The following CDK2 variants were observed in gnomAD, a reference collection of about 807,000 sequenced individuals.
CDK2 encodes cyclin-dependent kinase 2.
CDK2 carries 8 observed loss-of-function variants against 35.0 expected under a neutral mutation model. That is an observed-to-expected ratio of 0.23 (90% CI 0.13 to 0.41). The LOEUF is 0.41. CDK2 is among the 10% of genes least tolerant of loss of function. The pLI, the probability that CDK2 is intolerant of heterozygous loss-of-function variation, is 1.00. For missense variants in CDK2, 201 were observed against 367.1 expected (o/e 0.55, Z 3.70); for synonymous variants, 134 against 137.7 (o/e 0.97, Z 0.19).
Position 55,971,660 on chromosome 12 carries a change from C to A in CDK2, c.*35C>A. On this transcript the variant is annotated 3_prime_UTR_variant, in exon 7 of 7. Transcript: ENST00000266970. ...TGAAGCCCCCAGCCCTAATCTCACC[C>A]TCTCCTCCAGTGTGGGCTTGACCAG... 1 of 1,483,056 alleles carries A rather than the reference C, an allele frequency of 6.7e-7. No individual in the cohort carries two copies. The highest frequency in any genetic ancestry group is 9.4e-7 in the Non-Finnish European group (1 of 1,060,500). 91.9% of individuals were successfully genotyped at this position (1,483,056 alleles called of 1,614,324 possible).
At chr12:55,971,356 T>G (rs1484773167) in intron 6 of CDK2, 109 bp downstream of exon 6, 2 of 1,183,040 alleles carry the variant, frequency 1.7e-6, no homozygotes, top group Non-Finnish European at 2.5e-6. Flanking sequence ...TTCATTTCCC[T>G]GGTTCCTGCT....
At position 55,971,781 on chromosome 12, in the gene CDK2, G is replaced by T; in HGVS notation, c.*156G>T. On this transcript the variant is annotated 3_prime_UTR_variant, in exon 7 of 7. Transcript: ENST00000266970. ...GGCCAGCCAACTCTGGGAATACAGG[G>T]GTGAAAGGGGGGAACCAGTGAAAAT... The T allele has an allele frequency of 1.7e-6, 1 of 593,514 alleles. No homozygotes were observed. Among genetic ancestry groups the T allele is most frequent in the South Asian group, 2.1e-5 (1 of 48,556 alleles). The allele number at this position is 593,514 out of a possible 1,614,324, so 36.8% of individuals were successfully genotyped here.
At chr12:55,967,205 TC>T in intron 1 of CDK2, 81 bp downstream of exon 1, 1 of 1,033,584 alleles carries the variant, frequency 9.7e-7, no homozygotes, top group Non-Finnish European at 1.5e-6. Flanking sequence ...CGGGTAGCCG[TC>T]CAGGGACCGG....
chr12:55,970,376 C>T (rs905020347), intron 5 of CDK2, among the ~76,000 whole-genome samples: 14 of 151,438 alleles, frequency 9.2e-5, no homozygotes, highest in African/African-American at 3.2e-4. Flanking sequence ...TCCTTGAAGC[C>T]TGGCTTTATG....
At chr12:55,968,713 C>T (rs1015855390) in intron 3 of CDK2, 65 bp from the exon 4 acceptor site, 19 of 1,310,216 alleles carry the variant, frequency 1.5e-5, no homozygotes, top group Non-Finnish European at 1.8e-5. Flanking sequence ...GTTTTAGGGG[C>T]ACAGAGCAAA....
chr12:55,969,632 A>G (rs1167661679), intron 5 of CDK2, 56 bp downstream of exon 5: 7 of 935,734 alleles, frequency 7.5e-6, no homozygotes, highest in Middle Eastern at 2.6e-4. Flanking sequence ...CCCACATCCA[A>G]GAACAACAGA....
Position 55,971,777 on chromosome 12 carries a change from C to G in CDK2, c.*152C>G. ...TCTTGGCCAGCCAACTCTGGGAATA[C>G]AGGGGTGAAAGGGGGGAACCAGTGA... On this transcript the variant is annotated 3_prime_UTR_variant, in exon 7 of 7. Transcript: ENST00000266970. 1 of 605,316 alleles carries G rather than the reference C, an allele frequency of 1.7e-6. No individual in the cohort carries two copies. The highest frequency in any genetic ancestry group is 2.9e-6 in the Non-Finnish European group (1 of 339,700). 37.5% of individuals were successfully genotyped at this position (605,316 alleles called of 1,614,324 possible). A position where few individuals can be genotyped will look rare whatever the true frequency, so the allele number is the denominator to read the frequency against.
chr12:55,971,535 C>T lies in CDK2; in HGVS notation c.807C>T (p.Tyr269=), dbSNP rs144972287. The change falls in exon 7 of 7, where the codon TAC becomes TAT. Residue 269 remains tyrosine (Y), a synonymous_variant. Transcript: ENST00000266970. ...TCTCCCTCTAGCAAATGCTGCACTA[C>T]GACCCTAACAAGCGGATTTCGGCCA... ...GRSLLSQMLH[Y]DPNKRISAKA... is the part of the protein sequence containing the mutation. 3.1e-4 allele frequency: 500 copies of T among 1,613,746 alleles called. No individual in the cohort carries two copies. The highest frequency in any genetic ancestry group is 4.1e-4 in the Non-Finnish European group (480 of 1,179,622).
Position 55,966,960 on chromosome 12 carries a change from T to G in CDK2, c.-49T>G. 1 of 1,453,314 alleles carries G rather than the reference T, an allele frequency of 6.9e-7. No homozygotes were observed. The allele number at this position is 1,453,314 out of a possible 1,614,324, so 90.0% of individuals were successfully genotyped here. On this transcript the variant is annotated 5_prime_UTR_variant, in exon 1 of 7. Transcript: ENST00000266970. Reference sequence around the variant, plus strand: ...AGCCAGGGTCCGCCTTCTGCAGGGTTCCCAGGCCCCCGCTCCAGGGCCGGG... The same window carrying G: ...AGCCAGGGTCCGCCTTCTGCAGGGTGCCCAGGCCCCCGCTCCAGGGCCGGG...
At chr12:55,970,465 C>A in intron 5 of CDK2, 1 of 601,422 alleles carries the variant, frequency 1.7e-6, no homozygotes, top group Non-Finnish European at 3.0e-6. Flanking sequence ...GTTTTATTGT[C>A]TTTTATCTTG....
intron 5 of CDK2, chr12:55,970,589 T>A: frequency 1.4e-6 from 1 of 701,236 alleles, no homozygotes; most frequent in Non-Finnish European, 2.6e-6. Context: ...TCAAAAAATA[T>A]TTGTTAAGCA....
At position 55,968,894 on chromosome 12, in the gene CDK2, A is replaced by G; in HGVS notation, c.432A>G (p.Ala144=). 1 of 1,610,950 alleles carries G rather than the reference A, an allele frequency of 6.2e-7. No individual in the cohort carries two copies. The highest frequency in any genetic ancestry group is 8.5e-7 in the Non-Finnish European group (1 of 1,178,706). The stretch of plus-strand genomic sequence containing the variant: ...ACACAGAGGGGGCCATCAAGCTAGC[A>G]GACTTTGGACTAGCCAGAGCTTTTG... ...LINTEGAIKL[A]DFGLARAFGV... The change falls in exon 4 of 7, where the codon GCA becomes GCG. Residue 144 remains alanine, a synonymous_variant. Transcript: ENST00000266970.
Position 55,971,368 on chromosome 12 carries a change from TC to T in CDK2, c.792+124del, listed in dbSNP as rs1209824887. 2.2e-5 allele frequency: 25 copies of T among 1,126,952 alleles called. No individual in the cohort carries two copies. In the Admixed American group the frequency reaches 4.5e-4, roughly 20 times the overall value. The allele number at this position is 1,126,952 out of a possible 1,614,324, so 69.8% of individuals were successfully genotyped here. On this transcript the variant is annotated intron_variant, in intron 6 of 6. Coordinates refer to ENST00000266970, the MANE Select transcript of CDK2 (RefSeq NM_001798.5). Reference sequence around the variant, plus strand: ...TGTTTCATTTCCCTGGTTCCTGCTCTCCCTGTTGGCACACTGATTCAGCTAT... The same window carrying T: ...TGTTTCATTTCCCTGGTTCCTGCTCTCCTGTTGGCACACTGATTCAGCTAT...
Position 55,972,262 on chromosome 12 carries a change from C to T in CDK2, c.*637C>T, listed in dbSNP as rs761006694. ...TGTCCCTTCTACAGGCATGAGGAAT[C>T]TGGGAGGCCCTGAGACAGGGATTGT... On this transcript the variant is annotated 3_prime_UTR_variant, in exon 7 of 7. Coordinates refer to ENST00000266970, the MANE Select transcript of CDK2 (RefSeq NM_001798.5). 1 of 152,224 alleles carries T rather than the reference C, an allele frequency of 6.6e-6. No individual in the cohort carries two copies. Among genetic ancestry groups the T allele is most frequent in the Non-Finnish European group, 1.5e-5 (1 of 68,044 alleles). The allele number at this position is 152,224 out of a possible 1,614,324, so 9.4% of individuals were successfully genotyped here. A position where few individuals can be genotyped will look rare whatever the true frequency, so the allele number is the denominator to read the frequency against.
intron 4 of CDK2, 37 bp downstream of exon 4, chr12:55,968,985 A>C (rs1305839995): frequency 6.7e-7 from 1 of 1,483,608 alleles, no homozygotes; most frequent in African/African-American, 1.4e-5. Context: ...TGAGCTTCCC[A>C]AGAGGTGTTA....
At chr12:55,967,780 G>A in intron 1 of CDK2, 77 bp from the exon 2 acceptor site, 1 of 1,263,768 alleles carries the variant, frequency 7.9e-7, no homozygotes, top group Non-Finnish European at 1.2e-6. Context: ...TCTCCTTGGG[G>A]GAAAGAAATG....
chr12:55,970,621 T>C (rs567275175), intron 5 of CDK2: 45 of 702,358 alleles, frequency 6.4e-5, no homozygotes, highest in South Asian at 6.2e-4. Flanking sequence ...CCCAGCACCA[T>C]GCTAGGTGCT....
At position 55,966,976 on chromosome 12, in the gene CDK2, C is replaced by A. The variant is rs746850184; in HGVS notation, c.-33C>A. On this transcript the variant is annotated 5_prime_UTR_variant, in exon 1 of 7. Coordinates refer to ENST00000266970, the MANE Select transcript of CDK2 (RefSeq NM_001798.5). ...CTGCAGGGTTCCCAGGCCCCCGCTC[C>A]AGGGCCGGGCTGACCCGACTCGCTG... 5.8e-6 allele frequency: 9 copies of A among 1,553,976 alleles called. No homozygotes were observed. The highest frequency in any genetic ancestry group is 1.4e-5 in the African/African-American group (1 of 73,874).
At position 55,968,161 on chromosome 12, in the gene CDK2, C is replaced by A; in HGVS notation, c.307C>A (p.Leu103Ile). The A allele has an allele frequency of 6.2e-7, 1 of 1,614,136 alleles. No homozygotes were observed. The highest frequency in any genetic ancestry group is 8.5e-7 in the Non-Finnish European group (1 of 1,180,022). ...TGCTCTCACTGGCATTCCTCTTCCC[C>A]TCATCAAGGTAATGCTTCTCATCAG... ...ASALTGIPLP[L>I]IKSYLFQLLQ... The change falls in exon 3 of 7, where the codon CTC (leucine) becomes ATC (isoleucine). Residue 103 changes from leucine to isoleucine, a missense_variant. By Grantham distance (5) the Leu-to-Ile change is conservative. Around this residue, in one of 5 missense-constraint regions of CDK2, gnomAD observed 47 missense variants for 59.5 expected, o/e 0.79. Coordinates refer to ENST00000266970, the MANE Select transcript of CDK2 (RefSeq NM_001798.5).
Sources: gnomAD v4.1 joint callset for allele counts (sites outside exome capture counted in the v4.1 genomes callset) on GRCh38, gnomAD v4.1.1 for gene constraint, gnomAD v4.1.1 regional missense constraint, MANE v1.5 for transcripts, NCBI Gene and HGNC (gene_info 2026-07-23, HGNC 2026-07-21) for gene names.